SLC44A5: variants seen among roughly 807,000 people sequenced by gnomAD.
SLC44A5 encodes the protein solute carrier family 44 member 5.
Under a neutral mutation model 101.8 loss-of-function variants are expected in SLC44A5, and 57 were observed. That is an observed-to-expected ratio of 0.56 (90% CI 0.45 to 0.70). The LOEUF is 0.70. Among genes scored for constraint, SLC44A5 ranks in the 30% least tolerant of loss-of-function variants. SLC44A5 has a pLI of 0.00. For missense variants in SLC44A5, 737 were observed against 853.1 expected (o/e 0.86, Z 1.70); for synonymous variants, 281 against 290.9 (o/e 0.97, Z 0.35).
At chr1:75,322,002 A>C (rs1656186939) in intron 4 of SLC44A5, among the ~76,000 whole-genome samples, 2 of 152,166 alleles carry the variant, frequency 1.3e-5, no homozygotes, top group South Asian at 4.1e-4. Context: ...GCATTGCTTT[A>C]AAAATTGATC....
At chr1:75,419,595 A>G (rs1424104829) in intron 2 of SLC44A5, among the ~76,000 whole-genome samples, 1 of 152,132 alleles carries the variant, frequency 6.6e-6, no homozygotes, top group East Asian at 1.9e-4. Context: ...TCAGATCTAT[A>G]TGGTAATGTT....
chr1:75,714,370 T>C, the SLC44A5 span, among the ~76,000 whole-genome samples: 10 of 152,246 alleles, frequency 6.6e-5, no homozygotes, highest in Non-Finnish European at 1.3e-4. Flanking sequence ...GGTACTGAAG[T>C]GATGGCTCAA....
chr1:75,678,703 G>A, the SLC44A5 span, among the ~76,000 whole-genome samples: 2,386 of 151,664 alleles, frequency 0.016, 70 homozygotes, highest in African/African-American at 0.053. Context: ...AAATCAGAGC[G>A]CCTCTCCTCC....
intron 2 of SLC44A5, chr1:75,537,998 G>T (rs1209947405): frequency 1.3e-5 from 2 of 152,120 alleles, no homozygotes; most frequent in African/African-American, 4.8e-5. Flanking sequence ...CCCAAAGAAA[G>T]AAGTAATTAA....
At chr1:75,489,670 T>C (rs369206104) in intron 2 of SLC44A5, among the ~76,000 whole-genome samples, 3 of 152,146 alleles carry the variant, frequency 2.0e-5, no homozygotes, top group South Asian at 2.1e-4. Flanking sequence ...AAATAACAAA[T>C]GGAGTACATT....
chr1:75,655,296 A>G, the SLC44A5 span, among the ~76,000 whole-genome samples: 2 of 152,192 alleles, frequency 1.3e-5, no homozygotes, highest in African/African-American at 2.4e-5. Context: ...GACCTAAATA[A>G]AAGTTAAAAA....
At chr1:75,634,322 T>C in the SLC44A5 span, among the ~76,000 whole-genome samples, 1 of 152,152 alleles carries the variant, frequency 6.6e-6, no homozygotes, top group African/African-American at 2.4e-5. Flanking sequence ...GTACCTCTGG[T>C]AGAATTCGGC....
chr1:75,462,550 G>A (rs1557809972), intron 2 of SLC44A5, among the ~76,000 whole-genome samples: 1 of 152,080 alleles, frequency 6.6e-6, no homozygotes, highest in African/African-American at 2.4e-5. Context: ...TAACGCATCA[G>A]GGACCAGTCC....
At chr1:75,641,052 C>A in the SLC44A5 span, among the ~76,000 whole-genome samples, 1 of 151,998 alleles carries the variant, frequency 6.6e-6, no homozygotes, top group African/African-American at 2.4e-5. Flanking sequence ...AACAAGTCTT[C>A]CCCAAAAAGG....
intron 1 of SLC44A5, among the ~76,000 whole-genome samples, chr1:75,610,261 C>T (rs906963332): frequency 6.6e-6 from 1 of 151,994 alleles, no homozygotes; most frequent in South Asian, 2.1e-4. Context: ...CCTATATACA[C>T]ATAGATATCC....
intron 4 of SLC44A5, among the ~76,000 whole-genome samples, chr1:75,324,989 G>A (rs1440078623): frequency 2.0e-5 from 3 of 152,126 alleles, no homozygotes; most frequent in Non-Finnish European, 4.4e-5. Context: ...ACCAGGTCTT[G>A]TACTAGGGGA....
chr1:75,315,760 G>A (rs1428876191), intron 4 of SLC44A5, among the ~76,000 whole-genome samples: 1 of 151,888 alleles, frequency 6.6e-6, no homozygotes, highest in Non-Finnish European at 1.5e-5. Flanking sequence ...GTTCCAAATC[G>A]AACTTACTAC....
chr1:75,698,987 G>A, the SLC44A5 span, among the ~76,000 whole-genome samples: 1 of 152,160 alleles, frequency 6.6e-6, no homozygotes, highest in Non-Finnish European at 1.5e-5. Context: ...AAGCCTCCAA[G>A]AAATATGGGA....
At chr1:75,554,993 G>A (rs531031138) in intron 1 of SLC44A5, among the ~76,000 whole-genome samples, 22 of 151,642 alleles carry the variant, frequency 1.5e-4, no homozygotes, top group Non-Finnish European at 3.2e-4. Flanking sequence ...GCAGAAAAAA[G>A]AAAGAGAGAA....
intron 2 of SLC44A5, among the ~76,000 whole-genome samples, chr1:75,435,419 TG>T (rs1557780815): frequency 6.6e-6 from 1 of 152,206 alleles, no homozygotes; most frequent in South Asian, 2.1e-4. Flanking sequence ...TCTTGGCCCT[TG>T]GGGGGAAAAA....
chr1:75,407,244 T>G (rs1191685842), intron 2 of SLC44A5, among the ~76,000 whole-genome samples: 1 of 152,120 alleles, frequency 6.6e-6, no homozygotes, highest in Non-Finnish European at 1.5e-5. Flanking sequence ...TCCATGCTCA[T>G]GGATAGGAAG....
chr1:75,358,951 C>G (rs544825120), intron 3 of SLC44A5, among the ~76,000 whole-genome samples: 1 of 152,172 alleles, frequency 6.6e-6, no homozygotes, highest in South Asian at 2.1e-4. Flanking sequence ...CTAAGTGAAA[C>G]TTTATAACCA....
intron 2 of SLC44A5, among the ~76,000 whole-genome samples, chr1:75,510,121 T>C (rs889765537): frequency 6.6e-6 from 1 of 152,118 alleles, no homozygotes; most frequent in African/African-American, 2.4e-5. Flanking sequence ...ATGATTCAAT[T>C]ACCTCCCACT....
At chr1:75,483,516 C>T (rs558667252) in intron 2 of SLC44A5, among the ~76,000 whole-genome samples, 7 of 151,822 alleles carry the variant, frequency 4.6e-5, no homozygotes, top group African/African-American at 1.7e-4. Context: ...AAAATGAGAC[C>T]CTCGAATAAA....
Sources: allele counts gnomAD v4.1 joint callset (sites outside exome capture counted in the v4.1 genomes callset), GRCh38; gene constraint gnomAD v4.1.1; transcripts MANE v1.5; gene names NCBI Gene and HGNC (gene_info 2026-07-23, HGNC 2026-07-21).